The following BCL2L11 variants were observed in gnomAD, a reference collection of about 807,000 sequenced individuals.
BCL2L11 encodes the protein BCL2 like 11.
A neutral mutation model predicts 20.6 loss-of-function variants in BCL2L11; 15 were observed. The observed-to-expected ratio is 0.73, with a 90% CI of 0.49 to 1.12. The LOEUF (loss-of-function observed/expected upper bound fraction) is 1.12, where lower values mean the gene tolerates loss of function less well. Among genes scored for constraint, BCL2L11 ranks in the 50% most tolerant of loss-of-function variants. The probability of loss-of-function intolerance (pLI) is 0.00; values close to 1 mark genes in which losing one functional copy is unlikely to be tolerated. For missense variants in BCL2L11, 292 were observed against 260.9 expected (o/e 1.12, Z -0.82); for synonymous variants, 108 against 92.8 (o/e 1.16, Z -0.94).
At chr2:111,129,725 T>A (rs1041001766) in intron 2 of BCL2L11, among the ~76,000 whole-genome samples, 2 of 152,208 alleles carry the variant, frequency 1.3e-5, no homozygotes, top group African/African-American at 2.4e-5. Flanking sequence ...GCAGAACAAC[T>A]CCACCACAAG....
At chr2:111,150,452 A>C (rs574687141) in intron 3 of BCL2L11, among the ~76,000 whole-genome samples, 1 of 152,370 alleles carries the variant, frequency 6.6e-6, no homozygotes, top group Admixed American at 6.5e-5. Context: ...CTATTAACAT[A>C]GGTTTCAATC....
At chr2:111,130,368 T>G (rs972262443) in intron 2 of BCL2L11, 1 of 224,288 alleles carries the variant, frequency 4.5e-6, no homozygotes, top group African/African-American at 2.4e-5. Flanking sequence ...CCTCCCAAAG[T>G]GTTGGGATTA....
Position 111,123,740 on chromosome 2 carries a change from G to A in BCL2L11, c.-6G>A. On this transcript the variant is annotated 5_prime_UTR_variant, in exon 2 of 4. Coordinates refer to ENST00000393256, the MANE Select transcript of BCL2L11 (RefSeq NM_138621.5). Reference sequence around the variant, plus strand: ...TTTTTATTTTACTTGCAGAAAAAAAGACCAAATGGCAAAGCAACCTTCTGA... The same window carrying A: ...TTTTTATTTTACTTGCAGAAAAAAAAACCAAATGGCAAAGCAACCTTCTGA... 7.3e-7 allele frequency: 1 copy of A among 1,379,254 alleles called. No homozygotes were observed. Among genetic ancestry groups the A allele is most frequent in the South Asian group, 2.2e-5 (1 of 45,628 alleles). The allele number at this position is 1,379,254 out of a possible 1,614,324, so 85.4% of individuals were successfully genotyped here.
At position 111,165,039 on chromosome 2, in the gene BCL2L11, A is replaced by ATT. The variant is rs1257682653; in HGVS notation, c.*809_*810dup. ...CAGTGTATTTTCATGATAAAGTGAAATTGAGTCAGAACAAGAGTTAATATC... is the reference window on the plus strand; with the variant it reads ...CAGTGTATTTTCATGATAAAGTGAAATTTTGAGTCAGAACAAGAGTTAATATC... On this transcript the variant is annotated 3_prime_UTR_variant, in exon 4 of 4. Transcript: ENST00000393256. 1 of 152,250 alleles carries ATT rather than the reference A, an allele frequency of 6.6e-6. No homozygotes were observed. Among genetic ancestry groups the ATT allele is most frequent in the Admixed American group, 6.5e-5 (1 of 15,286 alleles). 9.4% of individuals were successfully genotyped at this position (152,250 alleles called of 1,614,324 possible). A position where few individuals can be genotyped will look rare whatever the true frequency, so the allele number is the denominator to read the frequency against.
intron 2 of BCL2L11, among the ~76,000 whole-genome samples, chr2:111,145,529 G>C (rs1231337173): frequency 6.6e-6 from 1 of 152,066 alleles, no homozygotes; most frequent in Non-Finnish European, 1.5e-5. Flanking sequence ...TGCCGTGGCT[G>C]CTGCTACAGA....
chr2:111,140,961 T>C (rs917625945), intron 2 of BCL2L11, among the ~76,000 whole-genome samples: 1 of 152,250 alleles, frequency 6.6e-6, no homozygotes, highest in African/African-American at 2.4e-5. Flanking sequence ...AAGCCTGGCA[T>C]ACACTGTACA....
intron 1 of BCL2L11, chr2:111,123,358 C>T (rs183273150): frequency 5.1e-6 from 5 of 985,504 alleles, no homozygotes; most frequent in African/African-American, 3.5e-5. Flanking sequence ...TGTGCTCCGG[C>T]GTCCTACCTA....
At position 111,123,916 on chromosome 2, in the gene BCL2L11, C is replaced by T. The variant is rs1242571445; in HGVS notation, c.171C>T (p.His57=). 1 of 1,613,200 alleles carries T rather than the reference C, an allele frequency of 6.2e-7. No individual in the cohort carries two copies. The highest frequency in any genetic ancestry group is 8.5e-7 in the Non-Finnish European group (1 of 1,179,612). Residue 57 remains histidine, a synonymous_variant, in exon 2 of 4, where the codon CAC becomes CAT. Transcript: ENST00000393256. The stretch of plus-strand genomic sequence containing the variant: ...GAGGTGAAGGGGACAGCTGCCCCCA[C>T]GGCAGCCCTCAGGGCCCGCTGGCCC... ...NHGGEGDSCP[H]GSPQGPLAPP... is the part of the protein sequence containing the mutation.
chr2:111,151,788 T>G lies in BCL2L11; in HGVS notation c.498+1641T>G, dbSNP rs1168211682. 5.4e-6 allele frequency: 8 copies of G among 1,484,196 alleles called. No individual in the cohort carries two copies. In the Admixed American group the frequency reaches 5.9e-5, roughly 11 times the overall value. 91.9% of individuals were successfully genotyped at this position (1,484,196 alleles called of 1,614,324 possible). ...TGTAAAATGGGAAGTGTGACATTGATGGACTTAAGAATTTCTTAAAATACT... is the reference window on the plus strand; with the variant it reads ...TGTAAAATGGGAAGTGTGACATTGAGGGACTTAAGAATTTCTTAAAATACT... On this transcript the variant is annotated intron_variant, in intron 3 of 3. Transcript: ENST00000393256.
In BCL2L11 at chr2:111,162,473, G is replaced by C. The variant is rs140555559; in HGVS notation, c.499-1660G>C. 2.6e-5 allele frequency among the ~76,000 whole-genome samples: 4 copies of C among 152,306 alleles called. No homozygotes were observed. The East Asian group carries it at 7.7e-4, about 29-fold the overall frequency. On this transcript the variant is annotated intron_variant, in intron 3 of 3. Transcript: ENST00000393256. ...ATGAAAGTGGAACTCTAAAAACCTT[G>C]GAAAGATTCTCTTGTGAGGTGACTT...
intron 3 of BCL2L11, among the ~76,000 whole-genome samples, chr2:111,150,667 G>A (rs2077138992): frequency 1.3e-5 from 2 of 152,214 alleles, no homozygotes; most frequent in South Asian, 4.1e-4. Context: ...TTTAATTGTT[G>A]AAATGTATTA....
intron 2 of BCL2L11, 54 bp downstream of exon 2, chr2:111,124,193 G>A (rs2150146947): frequency 6.6e-7 from 1 of 1,512,552 alleles, no homozygotes; most frequent in Non-Finnish European, 8.9e-7. Context: ...GAATCTGCTT[G>A]AAGGCTGTGT....
rs73954961 is a variant in BCL2L11 at position 111,148,073 on chromosome 2, C to T, written c.395-1971C>T. 4.1e-3 allele frequency among the ~76,000 whole-genome samples: 626 copies of T among 152,316 alleles called. 2 individuals are homozygous for T. Among genetic ancestry groups the T allele is most frequent in the African/African-American group, 0.014 (563 of 41,570 alleles). On this transcript the variant is annotated intron_variant, in intron 2 of 3. Coordinates refer to ENST00000393256, the MANE Select transcript of BCL2L11 (RefSeq NM_138621.5). ...TTACCAGTCTGCCAACTTTATAAAA[C>T]ATCAATCTGTAGTTCACAGATGTCC...
intron 1 of BCL2L11, chr2:111,122,859 C>G: frequency 1.0e-6 from 1 of 985,238 alleles, no homozygotes; most frequent in Non-Finnish European, 1.2e-6. Context: ...GCGAAGGGCG[C>G]GGGCCGGACG....
At chr2:111,159,322 T>A (rs2078280366) in intron 3 of BCL2L11, among the ~76,000 whole-genome samples, 1 of 152,240 alleles carries the variant, frequency 6.6e-6, no homozygotes, top group Non-Finnish European at 1.5e-5. Flanking sequence ...AGTCACTGGC[T>A]GCAAAACAGC....
intron 2 of BCL2L11, chr2:111,146,210 A>G (rs2076490021): frequency 1.0e-6 from 1 of 984,936 alleles, no homozygotes; most frequent in African/African-American, 1.7e-5. Context: ...TTATGTTCAC[A>G]TAAAATTGCC....
chr2:111,125,244 G>T (rs1038893091), intron 2 of BCL2L11, among the ~76,000 whole-genome samples: 10 of 152,216 alleles, frequency 6.6e-5, no homozygotes, highest in Non-Finnish European at 1.3e-4. Context: ...AAGCTGAAAA[G>T]AAACATCTGC....
Position 111,123,762 on chromosome 2 carries a change from C to A in BCL2L11, c.17C>A (p.Ser6Tyr), listed in dbSNP as rs1219836031. MAKQP[S>Y]DVSSECDREG... ...AAAGACCAAATGGCAAAGCAACCTTCTGATGTAAGTTCTGAGTGTGACCGA... is the reference window on the plus strand; with the variant it reads ...AAAGACCAAATGGCAAAGCAACCTTATGATGTAAGTTCTGAGTGTGACCGA... Residue 6 changes from serine (S) to tyrosine (Y), a missense_variant, in exon 2 of 4, where the codon TCT becomes TAT. By Grantham distance (144) the Ser-to-Tyr change is moderately radical (BLOSUM62 -2). Transcript: ENST00000393256. 2 of 1,391,060 alleles carry A rather than the reference C, an allele frequency of 1.4e-6. No homozygotes were observed. The highest frequency in any genetic ancestry group is 1.9e-6 in the Non-Finnish European group (2 of 1,065,402). The allele number at this position is 1,391,060 out of a possible 1,614,324, so 86.2% of individuals were successfully genotyped here. A position where few individuals can be genotyped will look rare whatever the true frequency, so the allele number is the denominator to read the frequency against.
chr2:111,131,441 T>C (rs2073935726), intron 2 of BCL2L11: 1 of 152,134 alleles, frequency 6.6e-6, no homozygotes. Flanking sequence ...GCAGGATCTG[T>C]TGTGATAACC....
Sources: allele counts gnomAD v4.1 joint callset (sites outside exome capture counted in the v4.1 genomes callset), GRCh38; gene constraint gnomAD v4.1.1; transcripts MANE v1.5; gene names NCBI Gene and HGNC (gene_info 2026-07-23, HGNC 2026-07-21).